Variants in SAMD13 observed in about 807,000 individuals in gnomAD.
SAMD13 encodes sterile alpha motif domain containing 13.
In SAMD13, 9 loss-of-function variants were observed where a neutral mutation model predicts 12.4. The ratio of observed to expected loss-of-function variants is 0.72; its 90% CI spans 0.44 to 1.26. The LOEUF (loss-of-function observed/expected upper bound fraction) is 1.26. SAMD13 is among the 50% of genes most tolerant of loss of function. SAMD13 has a pLI of 0.00. For missense variants in SAMD13, 84 were observed against 119.6 expected (o/e 0.70, Z 1.39); for synonymous variants, 46 against 45.4 (o/e 1.01, Z -0.05).
At chr1:84,315,520 G>C (rs1347130130) in intron 2 of SAMD13, among the ~76,000 whole-genome samples, 1 of 151,990 alleles carries the variant, frequency 6.6e-6, no homozygotes, top group Non-Finnish European at 1.5e-5. Flanking sequence ...TCAAATTCCT[G>C]GTTCAAGGGA....
At chr1:84,300,492 C>T (rs571503336), upstream of SAMD13, among the ~76,000 whole-genome samples, 14 of 152,302 alleles carry the variant, frequency 9.2e-5, no homozygotes, top group South Asian at 2.5e-3. Flanking sequence ...AAGCAGGCAG[C>T]TTTTTCCTCA....
chr1:84,332,306 C>A (rs970579131), intron 3 of SAMD13, among the ~76,000 whole-genome samples: 2 of 152,186 alleles, frequency 1.3e-5, no homozygotes, highest in South Asian at 2.1e-4. Context: ...TGAGAAATCA[C>A]CAAACTTCTC....
chr1:84,350,479 T>C lies in SAMD13; in HGVS notation c.*705T>C, dbSNP rs1418415248. 1 of 152,642 alleles carries C rather than the reference T, an allele frequency of 6.6e-6. No homozygotes were observed. Among genetic ancestry groups the C allele is most frequent in the African/African-American group, 2.4e-5 (1 of 41,468 alleles). 9.5% of individuals were successfully genotyped at this position (152,642 alleles called of 1,614,324 possible). On this transcript the variant is annotated 3_prime_UTR_variant, in exon 4 of 4. Transcript: ENST00000394834. ...TAGATTTTCTTTTAAATTGGTTCTTTGTTTCTGAAGAAAGAATTTTTTTTA... is the reference window on the plus strand; with the variant it reads ...TAGATTTTCTTTTAAATTGGTTCTTCGTTTCTGAAGAAAGAATTTTTTTTA...
intron 2 of SAMD13, among the ~76,000 whole-genome samples, chr1:84,308,617 A>C (rs1678636711): frequency 6.6e-6 from 1 of 152,208 alleles, no homozygotes; most frequent in Admixed American, 6.5e-5. Flanking sequence ...TTTAAAGATC[A>C]TGGAATTTTA....
intron 3 of SAMD13, among the ~76,000 whole-genome samples, chr1:84,330,450 G>A (rs931913434): frequency 2.0e-5 from 3 of 152,126 alleles, no homozygotes; most frequent in African/African-American, 7.2e-5. Flanking sequence ...TTTGCTAAGA[G>A]CTTTGGTTTT....
chr1:84,305,376 A>C (rs1205491354), intron 2 of SAMD13, among the ~76,000 whole-genome samples: 1 of 151,808 alleles, frequency 6.6e-6, no homozygotes, highest in Non-Finnish European at 1.5e-5. Flanking sequence ...TTGTATAGAG[A>C]GTTTTTATAT....
At chr1:84,332,344 C>T (rs959035248) in intron 3 of SAMD13, among the ~76,000 whole-genome samples, 1 of 152,154 alleles carries the variant, frequency 6.6e-6, no homozygotes, top group Non-Finnish European at 1.5e-5. Flanking sequence ...AATTTACATT[C>T]CCACCACTAC....
intron 2 of SAMD13, among the ~76,000 whole-genome samples, chr1:84,307,879 A>G (rs1678616357): frequency 6.6e-6 from 1 of 152,150 alleles, no homozygotes; most frequent in Admixed American, 6.6e-5. Context: ...CCATCCCTGC[A>G]TCGTCTCCAA....
chr1:84,335,393 T>A (rs1679271615), intron 3 of SAMD13, among the ~76,000 whole-genome samples: 2 of 152,224 alleles, frequency 1.3e-5, no homozygotes, highest in African/African-American at 4.8e-5. Flanking sequence ...TTCCATTTGT[T>A]AGGTTGATTT....
At chr1:84,332,440 AG>A (rs1443915121) in intron 3 of SAMD13, among the ~76,000 whole-genome samples, 3 of 152,144 alleles carry the variant, frequency 2.0e-5, no homozygotes, top group African/African-American at 4.8e-5. Flanking sequence ...AACTAGTGCA[AG>A]ATGGTGTCTC....
At chr1:84,306,756 G>A (rs955604803) in intron 2 of SAMD13, among the ~76,000 whole-genome samples, 4 of 150,966 alleles carry the variant, frequency 2.6e-5, no homozygotes, top group Non-Finnish European at 5.9e-5. Flanking sequence ...CCTTGAACTG[G>A]GGAAGCAGAG....
intron 2 of SAMD13, among the ~76,000 whole-genome samples, chr1:84,311,185 A>C (rs1400259161): frequency 6.6e-6 from 1 of 152,060 alleles, no homozygotes; most frequent in Non-Finnish European, 1.5e-5. Context: ...AAAATACAAA[A>C]ATTATCCAGG....
intron 3 of SAMD13, among the ~76,000 whole-genome samples, chr1:84,348,547 C>T (rs1679582540): frequency 1.3e-5 from 2 of 152,178 alleles, no homozygotes; most frequent in Non-Finnish European, 1.5e-5. Context: ...ACCTAGGAAC[C>T]AGCTCAGGTT....
chr1:84,302,675 T>G, intron 1 of SAMD13: 1 of 986,386 alleles, frequency 1.0e-6, no homozygotes, highest in Non-Finnish European at 1.2e-6. Flanking sequence ...TTTGAGGCTT[T>G]CGTTGAGAAT....
At chr1:84,319,551 C>T (rs1483442895) in intron 2 of SAMD13, among the ~76,000 whole-genome samples, 1 of 151,154 alleles carries the variant, frequency 6.6e-6, no homozygotes, top group Non-Finnish European at 1.5e-5. Context: ...AGGAGAATCG[C>T]TTGAACCCAG....
chr1:84,316,267 T>C (rs1678831249), intron 2 of SAMD13, among the ~76,000 whole-genome samples: 1 of 152,172 alleles, frequency 6.6e-6, no homozygotes, highest in Admixed American at 6.5e-5. Flanking sequence ...CCTATGCTTT[T>C]TGGTGTCATA....
chr1:84,301,132 C>T (rs1439843687), upstream of SAMD13, among the ~76,000 whole-genome samples: 1 of 152,172 alleles, frequency 6.6e-6, no homozygotes, highest in African/African-American at 2.4e-5. Flanking sequence ...TATTTTGCAT[C>T]CTTTCCGAAA....
At chr1:84,309,085 T>C (rs1348577678) in intron 2 of SAMD13, among the ~76,000 whole-genome samples, 8 of 152,158 alleles carry the variant, frequency 5.3e-5, no homozygotes, top group African/African-American at 1.7e-4. Context: ...GAAACAGCAG[T>C]GATAAACTAT....
At chr1:84,300,234 T>C (rs1678425187), upstream of SAMD13, among the ~76,000 whole-genome samples, 1 of 152,242 alleles carries the variant, frequency 6.6e-6, no homozygotes. Flanking sequence ...TCCACATGCC[T>C]GACCCATGCT....
Sources: allele counts gnomAD v4.1 joint callset (sites outside exome capture counted in the v4.1 genomes callset), GRCh38; gene constraint gnomAD v4.1.1; transcripts MANE v1.5; gene names NCBI Gene and HGNC (gene_info 2026-07-23, HGNC 2026-07-21).